The following ADCY8 variants were observed in gnomAD, a reference collection of about 807,000 sequenced individuals.
ADCY8 encodes the protein adenylate cyclase type 8.
In ADCY8, 51 loss-of-function variants were observed where a neutral mutation model predicts 119.7. The observed-to-expected ratio is 0.43, with a 90% CI of 0.34 to 0.54. The LOEUF (loss-of-function observed/expected upper bound fraction) is 0.54, where lower values mean the gene tolerates loss of function less well. Ranked by LOEUF, ADCY8 falls within the 20% of genes least tolerant of loss-of-function variation. The pLI is 0.03. For missense variants in ADCY8, 1,383 were observed against 1,598.8 expected, an observed-to-expected ratio of 0.87 and a Z score of 2.30; for synonymous variants, 665 against 651.0, an observed-to-expected ratio of 1.02 and a Z score of -0.33.
At chr8:130,969,148 A>G (rs1486695297) in intron 2 of ADCY8, among the ~76,000 whole-genome samples, 4 of 152,158 alleles carry the variant, frequency 2.6e-5, no homozygotes, top group African/African-American at 9.7e-5. Flanking sequence ...CAAGATTAAC[A>G]TTTAAATTGA....
chr8:130,939,003 T>A (rs1323458290), intron 4 of ADCY8, among the ~76,000 whole-genome samples: 1 of 152,208 alleles, frequency 6.6e-6, no homozygotes, highest in Non-Finnish European at 1.5e-5. Flanking sequence ...AAGTTTCTTG[T>A]TCTTTGGTGC....
chr8:130,922,582 A>G (rs989544232), intron 5 of ADCY8, among the ~76,000 whole-genome samples: 1 of 152,010 alleles, frequency 6.6e-6, no homozygotes, highest in African/African-American at 2.4e-5. Flanking sequence ...AGTACAGAAC[A>G]AAATGAAAAG....
chr8:130,847,244 A>G (rs1817359386), intron 11 of ADCY8, among the ~76,000 whole-genome samples, 180 bp downstream of exon 11: 1 of 152,072 alleles, frequency 6.6e-6, no homozygotes, highest in Non-Finnish European at 1.5e-5. Flanking sequence ...AACAGAAAAT[A>G]TAAGGGGAGA....
chr8:130,811,017 T>A (rs1207960039), intron 14 of ADCY8, among the ~76,000 whole-genome samples: 2 of 152,206 alleles, frequency 1.3e-5, no homozygotes, highest in African/African-American at 4.8e-5. Flanking sequence ...CTGGTGGTCA[T>A]GGTTGATACA....
chr8:131,017,698 G>A (rs1367021054), intron 1 of ADCY8, among the ~76,000 whole-genome samples: 2 of 152,116 alleles, frequency 1.3e-5, no homozygotes, highest in East Asian at 3.9e-4. Context: ...CCTGCAAGGG[G>A]CCGACGATGG....
chr8:130,907,876 C>T (rs1323312139), intron 6 of ADCY8, among the ~76,000 whole-genome samples: 1 of 152,146 alleles, frequency 6.6e-6, no homozygotes, highest in Non-Finnish European at 1.5e-5. Context: ...CAGGTAGTTT[C>T]TCGTCCCTTG....
chr8:130,950,732 G>C (rs1821244298), intron 3 of ADCY8, among the ~76,000 whole-genome samples: 1 of 152,076 alleles, frequency 6.6e-6, no homozygotes, highest in Admixed American at 6.6e-5. Context: ...ATAGAGTCTT[G>C]CTCTGTTGCC....
intron 11 of ADCY8, among the ~76,000 whole-genome samples, chr8:130,839,775 G>A (rs1215118331): frequency 7.1e-6 from 1 of 140,178 alleles, no homozygotes; most frequent in East Asian, 2.2e-4. Flanking sequence ...GGTATAGTAG[G>A]ACAGAGTTAA....
chr8:130,956,468 A>T (rs1425760465), intron 2 of ADCY8, among the ~76,000 whole-genome samples: 2 of 152,144 alleles, frequency 1.3e-5, no homozygotes, highest in Non-Finnish European at 2.9e-5. Flanking sequence ...GGTAAATCTC[A>T]TTTCCGTGGT....
chr8:131,012,586 T>A (rs1190514766), intron 1 of ADCY8, among the ~76,000 whole-genome samples: 2 of 152,204 alleles, frequency 1.3e-5, no homozygotes, highest in African/African-American at 4.8e-5. Context: ...TCAGGAAAGA[T>A]GGACTTGTCC....
intron 1 of ADCY8, among the ~76,000 whole-genome samples, chr8:130,993,616 G>A (rs2130748170): frequency 6.6e-6 from 1 of 152,292 alleles, no homozygotes; most frequent in Non-Finnish European, 1.5e-5. Context: ...TAGTGAATAA[G>A]TCTTAAGGTA....
In ADCY8 at chr8:130,986,683, G is replaced by C. The variant is rs764395915; in HGVS notation, c.1110+3710C>G. 1.8e-4 allele frequency among the ~76,000 whole-genome samples: 27 copies of C among 152,204 alleles called. 1 individual carries two copies. The highest frequency in any genetic ancestry group is 1.6e-3 in the Admixed American group (24 of 15,278). ...CCCAGAACTATTAATACATGGCACAGGCTGGTGAAATAGCAGTTTGGGGAA... is the reference window on the plus strand; with the variant it reads ...CCCAGAACTATTAATACATGGCACACGCTGGTGAAATAGCAGTTTGGGGAA... On this transcript the variant is annotated intron_variant, in intron 2 of 17. Transcript: ENST00000286355.
At chr8:130,996,763 C>A (rs1017099346) in intron 1 of ADCY8, among the ~76,000 whole-genome samples, 2 of 152,002 alleles carry the variant, frequency 1.3e-5, no homozygotes, top group Non-Finnish European at 2.9e-5. Flanking sequence ...CTAATCTAAG[C>A]AGAAAAATGT....
chr8:130,876,693 G>A (rs1348265748), intron 8 of ADCY8, among the ~76,000 whole-genome samples: 1 of 150,628 alleles, frequency 6.6e-6, no homozygotes, highest in Non-Finnish European at 1.5e-5. Context: ...TGTGACATGT[G>A]TGGATATTTG....
intron 2 of ADCY8, among the ~76,000 whole-genome samples, chr8:130,973,256 A>G (rs971016385): frequency 1.3e-5 from 2 of 152,228 alleles, no homozygotes; most frequent in African/African-American, 4.8e-5. Flanking sequence ...GTGCATAATA[A>G]TTCCTTTTGG....
intron 15 of ADCY8, among the ~76,000 whole-genome samples, chr8:130,796,923 A>G (rs924072115): frequency 6.6e-6 from 1 of 151,592 alleles, no homozygotes; most frequent in Non-Finnish European, 1.5e-5. Context: ...AGCCTCCTAG[A>G]CCAATTCCCT....
intron 12 of ADCY8, among the ~76,000 whole-genome samples, chr8:130,832,658 G>A (rs1052538348): frequency 6.6e-6 from 1 of 152,058 alleles, no homozygotes. Context: ...GGAAAAAGCT[G>A]AAAAAAGCAC....
intron 13 of ADCY8, among the ~76,000 whole-genome samples, chr8:130,817,474 T>C (rs1316833759): frequency 4.6e-5 from 7 of 152,228 alleles, no homozygotes; most frequent in Non-Finnish European, 2.9e-5. Context: ...TTTAATTATG[T>C]CTTGTTTTAA....
intron 1 of ADCY8, among the ~76,000 whole-genome samples, chr8:131,024,203 C>T (rs530663630): frequency 1.3e-5 from 2 of 152,246 alleles, no homozygotes; most frequent in South Asian, 2.1e-4. Flanking sequence ...GGCAGTTTCA[C>T]GCCAATGACA....
Sources: allele counts gnomAD v4.1 joint callset (sites outside exome capture counted in the v4.1 genomes callset), GRCh38; gene constraint gnomAD v4.1.1; transcripts MANE v1.5; gene names NCBI Gene and HGNC (gene_info 2026-07-23, HGNC 2026-07-21).